The following DPP10 variants were observed in gnomAD, a reference collection of about 807,000 sequenced individuals.
The protein encoded by DPP10 is dipeptidyl peptidase like 10, also known as inactive dipeptidyl peptidase 10.
In DPP10, 33 loss-of-function variants were observed where a neutral mutation model predicts 120.9. The observed-to-expected ratio is 0.27, with a 90% CI of 0.21 to 0.37. The LOEUF is 0.37. Ranked by LOEUF, DPP10 falls within the 10% of genes least tolerant of loss-of-function variation. The pLI is 1.00. For synonymous variants in DPP10, 337 were observed against 326.1 expected (o/e 1.03, Z -0.36); for missense variants, 816 against 942.8 (o/e 0.87, Z 1.76).
intron 1 of DPP10, among the ~76,000 whole-genome samples, chr2:114,598,034 G>A (rs567718760): frequency 6.6e-6 from 1 of 151,944 alleles, no homozygotes; most frequent in East Asian, 1.9e-4. Flanking sequence ...CTCTTCCAAA[G>A]GTAAATGAAA....
At chr2:115,651,596 G>T (rs1451033293) in intron 5 of DPP10, among the ~76,000 whole-genome samples, 1 of 152,040 alleles carries the variant, frequency 6.6e-6, no homozygotes, top group African/African-American at 2.4e-5. Flanking sequence ...AAGATAAAAA[G>T]AATGCGCAGG....
intron 1 of DPP10, among the ~76,000 whole-genome samples, chr2:115,060,900 C>A (rs144994100): frequency 6.6e-6 from 1 of 152,118 alleles, no homozygotes; most frequent in Non-Finnish European, 1.5e-5. Flanking sequence ...GTGCTCACCT[C>A]GCTTGCAAGA....
At chr2:114,646,729 G>A (rs952907853) in intron 1 of DPP10, among the ~76,000 whole-genome samples, 1 of 152,138 alleles carries the variant, frequency 6.6e-6, no homozygotes, top group Non-Finnish European at 1.5e-5. Flanking sequence ...TTTTATGTCT[G>A]CATCTTTGAA....
intron 1 of DPP10, among the ~76,000 whole-genome samples, chr2:114,675,517 T>C (rs1254143105): frequency 1.3e-5 from 2 of 152,140 alleles, no homozygotes; most frequent in East Asian, 3.9e-4. Flanking sequence ...CTCAGTCCTG[T>C]CTTCCAAACA....
intron 13 of DPP10, among the ~76,000 whole-genome samples, chr2:115,768,926 G>C (rs1193211592): frequency 1.3e-5 from 2 of 151,566 alleles, no homozygotes; most frequent in African/African-American, 4.8e-5. Context: ...TAGATTTCAT[G>C]TTGTAAAATA....
Position 114,741,262 on chromosome 2 carries a change from T to C in DPP10, c.60+298424T>C, listed in dbSNP as rs540697857. On this transcript the variant is annotated intron_variant, in intron 1 of 25. Transcript: ENST00000410059. ...CTTATCCCAGAACCAAAGGAGAATA[T>C]CTGCCTATCAGAAGAAAGATAAATA... 1.4e-3 allele frequency among the ~76,000 whole-genome samples: 216 copies of C among 152,298 alleles called. 2 individuals are homozygous for C. The highest frequency in any genetic ancestry group is 4.9e-3 in the African/African-American group (204 of 41,576).
chr2:115,544,511 C>T (rs889552226), intron 5 of DPP10, among the ~76,000 whole-genome samples: 2 of 152,006 alleles, frequency 1.3e-5, no homozygotes, highest in African/African-American at 4.8e-5. Flanking sequence ...GGTTTTAAAC[C>T]TGTCATCATG....
chr2:115,170,525 A>C (rs1206564197), intron 1 of DPP10, among the ~76,000 whole-genome samples: 1 of 152,204 alleles, frequency 6.6e-6, no homozygotes, highest in Admixed American at 6.5e-5. Context: ...GATCTATGAA[A>C]TTATGAATAG....
intron 1 of DPP10, among the ~76,000 whole-genome samples, chr2:115,174,897 G>T (rs144753284): frequency 3.5e-4 from 53 of 152,320 alleles, no homozygotes; most frequent in African/African-American, 1.2e-3. Context: ...TGTCGGGTTT[G>T]TCCCAAGAAA....
intron 1 of DPP10, among the ~76,000 whole-genome samples, chr2:115,051,809 AAG>A (rs1242522093): frequency 3.5e-5 from 5 of 141,358 alleles, no homozygotes; most frequent in Middle Eastern, 3.6e-3. Flanking sequence ...GAAAATTGGT[AAG>A]AGAGTAGATC....
intron 8 of DPP10, among the ~76,000 whole-genome samples, chr2:115,734,742 A>G (rs2092994791): frequency 6.7e-6 from 1 of 149,490 alleles, no homozygotes; most frequent in African/African-American, 2.5e-5. Context: ...ACACACGTAT[A>G]TGTATATTTT....
At chr2:115,555,400 A>G (rs763786144) in intron 5 of DPP10, among the ~76,000 whole-genome samples, 57 of 152,136 alleles carry the variant, frequency 3.7e-4, no homozygotes, top group Non-Finnish European at 7.5e-4. Flanking sequence ...AGGGGCTTAT[A>G]TACTACTTTA....
chr2:115,279,556 C>T (rs976275456), intron 1 of DPP10, among the ~76,000 whole-genome samples: 2 of 150,206 alleles, frequency 1.3e-5, no homozygotes, highest in African/African-American at 2.4e-5. Flanking sequence ...TGTTGATTTG[C>T]GTTTGATAGA....
intron 19 of DPP10, among the ~76,000 whole-genome samples, chr2:115,813,717 A>G (rs1320082513): frequency 6.6e-6 from 1 of 152,186 alleles, no homozygotes; most frequent in Admixed American, 6.5e-5. Context: ...TTTGTTGCTG[A>G]AAGGTTATTT....
chr2:115,613,801 A>G (rs2084289552), intron 5 of DPP10, among the ~76,000 whole-genome samples: 1 of 152,190 alleles, frequency 6.6e-6, no homozygotes, highest in Admixed American at 6.5e-5. Flanking sequence ...TGATCTTAAG[A>G]AATACCAATG....
chr2:115,699,648 C>G (rs2091796175), intron 7 of DPP10, among the ~76,000 whole-genome samples: 1 of 152,062 alleles, frequency 6.6e-6, no homozygotes, highest in African/African-American at 2.4e-5. Context: ...TCAAACTTTT[C>G]CAAAAAGTCA....
At chr2:114,649,125 C>T (rs541629036) in intron 1 of DPP10, among the ~76,000 whole-genome samples, 14 of 152,262 alleles carry the variant, frequency 9.2e-5, no homozygotes, top group African/African-American at 3.4e-4. Flanking sequence ...CTGTAAGTCT[C>T]CTGAACATTT....
chr2:114,853,880 C>T (rs974822071), intron 1 of DPP10, among the ~76,000 whole-genome samples: 16 of 152,106 alleles, frequency 1.1e-4, no homozygotes, highest in African/African-American at 3.4e-4. Flanking sequence ...ACTGAGCTTG[C>T]GAGCAGATTT....
rs1685322151 is a variant in DPP10, at chr2:115,802,139, A to G, written c.1700+10783A>G. Among the ~76,000 whole-genome samples the G allele has an allele frequency of 2.0e-5, 3 of 152,084 alleles. 1 individual carries two copies. The highest frequency in any genetic ancestry group is 2.0e-4 in the Admixed American group (3 of 15,248). ...TGTTATTGGTCTATTCAGAGATTCA[A>G]CTTCTTCCTGGTTTAGTCTTGGGAT... is the stretch of plus-strand genomic sequence containing the variant. On this transcript the variant is annotated intron_variant, in intron 19 of 25. Coordinates refer to ENST00000410059, the MANE Select transcript of DPP10 (RefSeq NM_020868.6).
Sources: allele counts gnomAD v4.1 joint callset (sites outside exome capture counted in the v4.1 genomes callset), GRCh38; gene constraint gnomAD v4.1.1; transcripts MANE v1.5; gene names NCBI Gene and HGNC (gene_info 2026-07-23, HGNC 2026-07-21).